ACBD5: variants seen among roughly 807,000 people sequenced by gnomAD.
ACBD5 encodes acyl-CoA-binding domain-containing protein 5.
A neutral mutation model predicts 71.8 loss-of-function variants in ACBD5; 40 were observed. That is an observed-to-expected ratio of 0.56 (90% CI 0.43 to 0.72). ACBD5 has a LOEUF of 0.72. Ranked by LOEUF, ACBD5 falls within the 30% of genes least tolerant of loss-of-function variation. The pLI, the probability that ACBD5 is intolerant of heterozygous loss-of-function variation, is 0.00. For synonymous variants in ACBD5, 229 were observed against 218.6 expected (o/e 1.05, Z -0.42); for missense variants, 559 against 644.5 (o/e 0.87, Z 1.44).
At chr10:27,215,220 T>C (rs745673099) in intron 8 of ACBD5, among the ~76,000 whole-genome samples, 17 of 152,204 alleles carry the variant, frequency 1.1e-4, no homozygotes, top group Admixed American at 2.6e-4. Context: ...CATTAATAAA[T>C]GTTTCAAACA....
chr10:27,186,911 T>C (rs2058793655), intron 13 of ACBD5: 1 of 265,538 alleles, frequency 3.8e-6, no homozygotes, highest in Non-Finnish European at 7.3e-6. Context: ...AAAATAATCA[T>C]ACAGTTCCAT....
At chr10:27,200,900 TG>T (rs2059857142) in intron 12 of ACBD5, among the ~76,000 whole-genome samples, 1 of 152,126 alleles carries the variant, frequency 6.6e-6, no homozygotes, top group Admixed American at 6.5e-5. Context: ...AGGCCAGGCA[TG>T]GTGGCTCAGT....
intron 3 of ACBD5, among the ~76,000 whole-genome samples, chr10:27,232,751 G>C (rs1473597062): frequency 6.6e-6 from 1 of 152,154 alleles, no homozygotes; most frequent in Non-Finnish European, 1.5e-5. Flanking sequence ...GAAAATGTGA[G>C]AGACAGGAAA....
intron 3 of ACBD5, among the ~76,000 whole-genome samples, chr10:27,233,401 G>T (rs1407591984): frequency 6.7e-6 from 1 of 148,926 alleles, no homozygotes; most frequent in Non-Finnish European, 1.5e-5. Context: ...ACTCCAGCCT[G>T]GGCGACAGAG....
intron 9 of ACBD5, among the ~76,000 whole-genome samples, chr10:27,209,257 T>C (rs2060808893): frequency 6.6e-6 from 1 of 152,136 alleles, no homozygotes; most frequent in Non-Finnish European, 1.5e-5. Context: ...TATTAAAAGT[T>C]ACAGTAAAGA....
chr10:27,190,293 T>G (rs112577512), downstream of ACBD5, among the ~76,000 whole-genome samples: 1 of 148,610 alleles, frequency 6.7e-6, no homozygotes, highest in Non-Finnish European at 1.5e-5. Flanking sequence ...TCAAAAAAAA[T>G]TATTTAAAAA....
chr10:27,203,318 A>C (rs1008201447), intron 12 of ACBD5, among the ~76,000 whole-genome samples: 1 of 152,130 alleles, frequency 6.6e-6, no homozygotes, highest in African/African-American at 2.4e-5. Context: ...CTTGAATCCA[A>C]GGGTTTGGCC....
intron 3 of ACBD5, among the ~76,000 whole-genome samples, chr10:27,234,689 C>A (rs190566576): frequency 1.3e-5 from 2 of 152,244 alleles, no homozygotes; most frequent in African/African-American, 2.4e-5. Flanking sequence ...CCCAGCACTT[C>A]GGGAGGCCGA....
chr10:27,228,347 G>A (rs995246778), intron 4 of ACBD5, among the ~76,000 whole-genome samples: 1 of 151,494 alleles, frequency 6.6e-6, no homozygotes. Context: ...AGGCCGAAGT[G>A]GGAAGATCAC....
At position 27,235,096 on chromosome 10, in the gene ACBD5, TA is replaced by T; in HGVS notation, c.297del (p.Tyr99Ter). Reference sequence around the variant, plus strand: ...TAGCTCTACACAAAAAATTACCATTTATATCTTCCAATAGGATCCCAAAATC... The same window carrying T: ...TAGCTCTACACAAAAAATTACCATTTTATCTTCCAATAGGATCCCAAAATC... ...RPGFWDPIGR[Y>X]KWDAWSSLGD... is the part of the protein sequence containing the mutation. On this transcript the variant is annotated frameshift_variant, in exon 3 of 13. Coordinates refer to ENST00000396271, the MANE Select transcript of ACBD5 (RefSeq NM_145698.5). LOFTEE classifies it high-confidence loss of function. 1 of 1,613,878 alleles carries T rather than the reference TA, an allele frequency of 6.2e-7. No individual in the cohort carries two copies. Among genetic ancestry groups the T allele is most frequent in the Non-Finnish European group, 8.5e-7 (1 of 1,179,876 alleles).
intron 8 of ACBD5, among the ~76,000 whole-genome samples, chr10:27,211,477 T>C (rs1414935078): frequency 6.6e-6 from 1 of 152,086 alleles, no homozygotes; most frequent in Non-Finnish European, 1.5e-5. Flanking sequence ...CGCACCGCCA[T>C]GCCTGGTTAA....
intron 7 of ACBD5, among the ~76,000 whole-genome samples, chr10:27,217,425 C>T (rs12268796): frequency 0.07 from 10,384 of 148,660 alleles, 680 homozygotes; most frequent in African/African-American, 0.17. Context: ...CACTGCACTC[C>T]AGCCTGGGTG....
downstream of ACBD5, among the ~76,000 whole-genome samples, chr10:27,194,665 G>T (rs1331173353): frequency 7.1e-6 from 1 of 141,526 alleles, no homozygotes; most frequent in African/African-American, 2.7e-5. Context: ...GTTGATTAGG[G>T]TTCATTGTGT....
At chr10:27,225,079 T>TC (rs922956694) in intron 4 of ACBD5, among the ~76,000 whole-genome samples, 30 of 146,492 alleles carry the variant, frequency 2.0e-4, no homozygotes, top group Non-Finnish European at 4.2e-4. Flanking sequence ...CTCTCTTTCT[T>TC]TTTTTTTTTT....
chr10:27,204,349 G>A (rs2060243143), intron 12 of ACBD5, 91 bp downstream of exon 12: 1 of 860,332 alleles, frequency 1.2e-6, no homozygotes, highest in African/African-American at 1.6e-5. Flanking sequence ...TCTATAAAAT[G>A]GACCTAGCAT....
At chr10:27,197,502 T>G in intron 12 of ACBD5, 60 bp from the exon 13 acceptor site, 1 of 1,242,922 alleles carries the variant, frequency 8.0e-7, no homozygotes, top group Non-Finnish European at 1.2e-6. Context: ...ATTCTCTGGA[T>G]GGTAACATAA....
chr10:27,231,600 C>G, intron 4 of ACBD5, 148 bp downstream of exon 4: 1 of 706,552 alleles, frequency 1.4e-6, no homozygotes. Context: ...TTTAATGAAG[C>G]AGAAAAGTCC....
Position 27,197,351 on chromosome 10 carries a change from T to C in ACBD5, c.*79A>G, listed in dbSNP as rs761489496. On this transcript the variant is annotated 3_prime_UTR_variant, in exon 13 of 13. Coordinates refer to ENST00000396271, the MANE Select transcript of ACBD5 (RefSeq NM_145698.5). ...CAATGTAATCATCACAAACTAAGAT[T>C]TTCTTGTGAACACCACAATCCAGTT... 7 of 1,401,590 alleles carry C rather than the reference T, an allele frequency of 5.0e-6. No individual in the cohort carries two copies. Among genetic ancestry groups the C allele is most frequent in the Non-Finnish European group, 7.1e-6 (7 of 990,230 alleles). The allele number at this position is 1,401,590 out of a possible 1,614,324, so 86.8% of individuals were successfully genotyped here. A position where few individuals can be genotyped will look rare whatever the true frequency, so the allele number is the denominator to read the frequency against.
chr10:27,185,210 T>C (rs1411621748), intron 13 of ACBD5, among the ~76,000 whole-genome samples: 1 of 152,062 alleles, frequency 6.6e-6, no homozygotes, highest in Non-Finnish European at 1.5e-5. Flanking sequence ...AGCGTGGTGA[T>C]AGAAACAGGT....
Sources: gnomAD v4.1 joint callset for allele counts (sites outside exome capture counted in the v4.1 genomes callset) on GRCh38, gnomAD v4.1.1 for gene constraint, MANE v1.5 for transcripts, NCBI Gene and HGNC (gene_info 2026-07-23, HGNC 2026-07-21) for gene names.